PATJ: variants seen among roughly 807,000 people sequenced by gnomAD.
The protein encoded by PATJ is PATJ crumbs cell polarity complex component, also known as inaD-like protein.
Under a neutral mutation model 224.9 loss-of-function variants are expected in PATJ, and 190 were observed. The observed-to-expected ratio is 0.84, with a 90% CI of 0.75 to 0.95. PATJ has a LOEUF of 0.95. Ranked by LOEUF, PATJ falls within the 40% of genes least tolerant of loss-of-function variation. The pLI is 0.00. For missense variants in PATJ, 2,121 were observed against 2,270.3 expected (o/e 0.93, Z 1.34); for synonymous variants, 769 against 820.3 (o/e 0.94, Z 1.07).
At chr1:62,103,005 C>T (rs1265610921) in intron 33 of PATJ, among the ~76,000 whole-genome samples, 5 of 152,072 alleles carry the variant, frequency 3.3e-5, no homozygotes, top group Non-Finnish European at 1.5e-5. Context: ...AGATCATCGC[C>T]TCGCCTCATT....
rs753884165 is a variant in PATJ at position 62,079,444 on chromosome 1, T to G, written c.4126-6T>G. On this transcript the variant is annotated splice_polypyrimidine_tract_variant and splice_region_variant and intron_variant, in intron 31 of 43. Coordinates refer to ENST00000642238, the MANE Select transcript of PATJ (RefSeq NM_001350145.3). Reference sequence around the variant, plus strand: ...GATATTCATCTAATTTTCCTTTCTTTTGTAGGCTGTCAGCCAGATGAAACA... The same window carrying G: ...GATATTCATCTAATTTTCCTTTCTTGTGTAGGCTGTCAGCCAGATGAAACA... 1.3e-6 allele frequency: 2 copies of G among 1,570,176 alleles called. No homozygotes were observed. Among genetic ancestry groups the G allele is most frequent in the African/African-American group, 2.7e-5 (2 of 74,060 alleles).
At chr1:62,028,622 T>C (rs1328749206) in intron 29 of PATJ, among the ~76,000 whole-genome samples, 1 of 151,088 alleles carries the variant, frequency 6.6e-6, no homozygotes, top group Non-Finnish European at 1.5e-5. Flanking sequence ...CTACTAAAAT[T>C]CAAAAAGAAA....
At chr1:62,047,342 T>G (rs942630188) in intron 30 of PATJ, among the ~76,000 whole-genome samples, 1 of 152,206 alleles carries the variant, frequency 6.6e-6, no homozygotes, top group African/African-American at 2.4e-5. Context: ...CCGCAACCTC[T>G]GCCTCCTGGG....
chr1:62,041,945 C>G (rs369676730), intron 30 of PATJ, among the ~76,000 whole-genome samples: 1 of 151,926 alleles, frequency 6.6e-6, no homozygotes, highest in Non-Finnish European at 1.5e-5. Flanking sequence ...CGAGATCGTG[C>G]CACCGCACTC....
intron 1 of PATJ, among the ~76,000 whole-genome samples, chr1:61,750,928 A>G (rs1382719828): frequency 6.6e-6 from 1 of 151,848 alleles, no homozygotes; most frequent in African/African-American, 2.4e-5. Flanking sequence ...ACTCTCTCCA[A>G]TGGCATCTAT....
intron 27 of PATJ, among the ~76,000 whole-genome samples, chr1:61,951,397 GA>G (rs1233244000): frequency 6.6e-6 from 1 of 151,882 alleles, no homozygotes; most frequent in Non-Finnish European, 1.5e-5. Context: ...GGGTATTCTT[GA>G]CTTTTTAAGT....
intron 24 of PATJ, among the ~76,000 whole-genome samples, chr1:61,904,628 T>A (rs963978272): frequency 6.6e-6 from 1 of 152,212 alleles, no homozygotes. Flanking sequence ...CCTGAGAGTG[T>A]ATAATTTATA....
At chr1:61,885,839 A>G (rs924721022) in intron 22 of PATJ, among the ~76,000 whole-genome samples, 1 of 151,898 alleles carries the variant, frequency 6.6e-6, no homozygotes, top group Non-Finnish European at 1.5e-5. Flanking sequence ...ATGGAATATT[A>G]TGCAGCCATA....
intron 1 of PATJ, among the ~76,000 whole-genome samples, chr1:61,758,474 G>A (rs1422134010): frequency 1.3e-5 from 2 of 151,776 alleles, no homozygotes; most frequent in Middle Eastern, 3.4e-3. Flanking sequence ...TCAGCCTCCC[G>A]AATAGCTGGG....
chr1:62,128,820 C>G lies in PATJ; in HGVS notation c.5167-21C>G, dbSNP rs575248980. 2.3e-4 allele frequency: 341 copies of G among 1,499,656 alleles called. 3 individuals carry two copies. In the South Asian group the frequency reaches 3.7e-3, roughly 16 times the overall value. The allele number at this position is 1,499,656 out of a possible 1,614,324, so 92.9% of individuals were successfully genotyped here. A position where few individuals can be genotyped will look rare whatever the true frequency, so the allele number is the denominator to read the frequency against. On this transcript the variant is annotated intron_variant, in intron 40 of 43. Transcript: ENST00000642238. ...AATTTTTCTTAATGATAGTGATTTT[C>G]TGTCATTTTTGTACTTCCAGGTTGG...
rs900341173 is a variant in PATJ at position 61,871,957 on chromosome 1, C to T, written c.2836-3286C>T. Among the ~76,000 whole-genome samples the T allele has an allele frequency of 4.6e-5, 7 of 150,694 alleles. No homozygotes were observed. The East Asian group carries it at 5.9e-4, about 13-fold the overall frequency. ...CTGACCTCAAGTGGTCCACCCACCT[C>T]GGCCTCCCAAAGTGCTGGGATTACA... On this transcript the variant is annotated intron_variant, in intron 20 of 43. Coordinates refer to ENST00000642238, the MANE Select transcript of PATJ (RefSeq NM_001350145.3).
At chr1:62,062,686 G>A (rs893390915) in intron 31 of PATJ, among the ~76,000 whole-genome samples, 1 of 151,262 alleles carries the variant, frequency 6.6e-6, no homozygotes, top group African/African-American at 2.4e-5. Flanking sequence ...TGTAGAGATG[G>A]GGGTCTCACT....
chr1:61,971,361 A>G (rs973118171), intron 27 of PATJ, among the ~76,000 whole-genome samples: 3 of 152,204 alleles, frequency 2.0e-5, no homozygotes, highest in Admixed American at 2.0e-4. Context: ...TGTTTAAAAC[A>G]GCGTAAGGCC....
At chr1:62,126,976 C>G (rs1665781554) in intron 39 of PATJ, among the ~76,000 whole-genome samples, 2 of 151,992 alleles carry the variant, frequency 1.3e-5, no homozygotes, top group African/African-American at 4.8e-5. Context: ...TCATTTTATA[C>G]ATAGAGATGG....
rs1194302239 is a variant in PATJ at position 62,018,622 on chromosome 1, A to G, written c.3959+675A>G. The stretch of plus-strand genomic sequence containing the variant: ...TTTTAGGTCATGTACCTAACCCTCT[A>G]TGTTCACTGTAGCTCTGCTTCTTTT... On this transcript the variant is annotated intron_variant, in intron 29 of 43. Coordinates refer to ENST00000642238, the MANE Select transcript of PATJ (RefSeq NM_001350145.3). The surrounding 1 kb of genome is among the most constrained non-coding windows in gnomAD (Gnocchi z 4.2). Among the ~76,000 whole-genome samples, 1 of 152,186 alleles carries G rather than the reference A, an allele frequency of 6.6e-6. No individual in the cohort carries two copies. Among genetic ancestry groups the G allele is most frequent in the Non-Finnish European group, 1.5e-5 (1 of 68,024 alleles).
At chr1:61,899,456 T>A (rs1048929474) in intron 22 of PATJ, 127 bp from the exon 23 acceptor site, 4 of 554,972 alleles carry the variant, frequency 7.2e-6, no homozygotes, top group Non-Finnish European at 3.1e-6. Context: ...ATGTAAATAT[T>A]TTAAAAACTT....
chr1:62,104,828 T>C (rs1041800162), intron 33 of PATJ, among the ~76,000 whole-genome samples: 1 of 152,024 alleles, frequency 6.6e-6, no homozygotes, highest in African/African-American at 2.4e-5. Flanking sequence ...CGTGCCACCA[T>C]GCCTGGCTAA....
chr1:62,038,223 A>G (rs1004009294), intron 30 of PATJ, among the ~76,000 whole-genome samples, 174 bp downstream of exon 30: 10 of 152,236 alleles, frequency 6.6e-5, no homozygotes, highest in Admixed American at 1.3e-4. Flanking sequence ...TTAAGTAAAT[A>G]TATTAGAACC....
At chr1:61,869,097 A>ATTTTT (rs113334846) in intron 20 of PATJ, among the ~76,000 whole-genome samples, 7 of 125,512 alleles carry the variant, frequency 5.6e-5, no homozygotes, top group Non-Finnish European at 6.5e-5. Context: ...TGGAAATAAC[A>ATTTTT]TTTTTTTTTT....
Sources: allele counts gnomAD v4.1 joint callset (sites outside exome capture counted in the v4.1 genomes callset), GRCh38; gene constraint gnomAD v4.1.1; non-coding constraint Gnocchi (gnomAD v3.1); transcripts MANE v1.5; gene names NCBI Gene and HGNC (gene_info 2026-07-23, HGNC 2026-07-21).